Variants in PGS1 observed in about 807,000 individuals in gnomAD.
PGS1 encodes phosphatidylglycerophosphate synthase 1.
Under a neutral mutation model 58.3 loss-of-function variants are expected in PGS1, and 44 were observed. That is an observed-to-expected ratio of 0.75 (90% CI 0.59 to 0.97). PGS1 has a LOEUF of 0.97. Ranked by LOEUF, PGS1 falls within the 50% of genes least tolerant of loss-of-function variation. PGS1 has a pLI of 0.00. For synonymous variants in PGS1, 330 were observed against 311.0 expected (o/e 1.06, Z -0.64); for missense variants, 684 against 731.1 (o/e 0.94, Z 0.74).
chr17:78,381,550 T>G (rs947559684), intron 1 of PGS1, among the ~76,000 whole-genome samples: 2 of 152,248 alleles, frequency 1.3e-5, no homozygotes, highest in Non-Finnish European at 2.9e-5. Context: ...GACTTTGCTT[T>G]CTTCTCCATT....
chr17:78,397,759 C>A (rs2083350072), intron 3 of PGS1, among the ~76,000 whole-genome samples: 1 of 152,282 alleles, frequency 6.6e-6, no homozygotes, highest in South Asian at 2.1e-4. Flanking sequence ...TTAGGATATA[C>A]CCTCCACTCC....
At chr17:78,410,459 G>T (rs2084553281) in intron 7 of PGS1, among the ~76,000 whole-genome samples, 1 of 117,490 alleles carries the variant, frequency 8.5e-6, no homozygotes. Flanking sequence ...CAAAACTTCA[G>T]AGCTTTTTTT....
chr17:78,408,796 C>T (rs1598350818), intron 7 of PGS1, among the ~76,000 whole-genome samples: 1 of 152,312 alleles, frequency 6.6e-6, no homozygotes, highest in Non-Finnish European at 1.5e-5. Context: ...TTGTCAGTTT[C>T]CTGTTGCCTG....
chr17:78,402,429 C>T (rs8076277), intron 6 of PGS1, among the ~76,000 whole-genome samples: 637 of 5,490 alleles, frequency 0.12, 2 homozygotes, highest in African/African-American at 0.32. Context: ...TATATATATA[C>T]ACACACACAC....
chr17:78,396,705 G>A (rs888716674), intron 3 of PGS1, among the ~76,000 whole-genome samples: 20 of 152,358 alleles, frequency 1.3e-4, no homozygotes, highest in African/African-American at 4.6e-4. Context: ...CCTGCCACCT[G>A]TTATGGTGTA....
chr17:78,407,936 G>T (rs2084295851), intron 7 of PGS1, among the ~76,000 whole-genome samples: 1 of 152,234 alleles, frequency 6.6e-6, no homozygotes, highest in Non-Finnish European at 1.5e-5. Flanking sequence ...CAGAGGGCTG[G>T]CCTTTATTCT....
At chr17:78,386,628 C>G (rs2082402476) in intron 1 of PGS1, among the ~76,000 whole-genome samples, 1 of 152,196 alleles carries the variant, frequency 6.6e-6, no homozygotes, top group Non-Finnish European at 1.5e-5. Flanking sequence ...GCCTCTGCCT[C>G]CTCACGTCTC....
chr17:78,404,567 C>T (rs1010669131), intron 7 of PGS1, among the ~76,000 whole-genome samples: 6 of 151,976 alleles, frequency 3.9e-5, no homozygotes, highest in African/African-American at 7.3e-5. Context: ...GTGTAAAATC[C>T]GTCTCTTTTA....
In PGS1 at chr17:78,399,420, T is replaced by G; in HGVS notation, c.584T>G (p.Phe195Cys). ...RFPEQVRVSLFHTPHLRGLLR... is the reference protein window; with the variant it reads ...RFPEQVRVSLCHTPHLRGLLR... ...CCAGAGCAGGTCCGAGTCTCCCTCT[T>G]TCACACGCCGCACCTCCGTGGGCTG... Residue 195 changes from phenylalanine (F) to cysteine (C), a missense_variant, in exon 5 of 10, where the codon TTT becomes TGT. Transcript: ENST00000262764. 1.2e-6 allele frequency: 2 copies of G among 1,614,102 alleles called. No homozygotes were observed. Among genetic ancestry groups the G allele is most frequent in the Non-Finnish European group, 1.7e-6 (2 of 1,180,010 alleles).
intron 1 of PGS1, among the ~76,000 whole-genome samples, chr17:78,388,620 C>T (rs554016729): frequency 1.8e-4 from 28 of 152,122 alleles, no homozygotes; most frequent in African/African-American, 6.7e-4. Flanking sequence ...GCTGGGATTA[C>T]AAGTGTGAGC....
intron 8 of PGS1, 88 bp from the exon 9 acceptor site, chr17:78,419,458 G>GC: frequency 8.5e-7 from 1 of 1,181,808 alleles, no homozygotes; most frequent in Non-Finnish European, 1.3e-6. Context: ...TTCTGGGCTG[G>GC]CCTGAGGGGC....
intron 9 of PGS1, 65 bp downstream of exon 9, chr17:78,419,740 T>G (rs978926887): frequency 2.5e-5 from 40 of 1,598,254 alleles, no homozygotes; most frequent in African/African-American, 1.7e-4. Flanking sequence ...GGCAGGTGGT[T>G]GTTCTGACTC....
In PGS1 at chr17:78,424,347, C is replaced by G; in HGVS notation, c.*297C>G. On this transcript the variant is annotated 3_prime_UTR_variant, in exon 10 of 10. Transcript: ENST00000262764. Reference sequence around the variant, plus strand: ...GCCTGCATGTTGTAACTACCCCGTCCCGCTGGGCTCAAGGAACAGCTCAGC... The same window carrying G: ...GCCTGCATGTTGTAACTACCCCGTCGCGCTGGGCTCAAGGAACAGCTCAGC... 1.6e-6 allele frequency: 1 copy of G among 624,012 alleles called. No individual in the cohort carries two copies. The highest frequency in any genetic ancestry group is 1.8e-5 in the African/African-American group (1 of 54,764). 38.7% of individuals were successfully genotyped at this position (624,012 alleles called of 1,614,324 possible).
intron 3 of PGS1, 46 bp downstream of exon 3, chr17:78,396,431 C>T: frequency 7.5e-7 from 1 of 1,336,732 alleles, no homozygotes; most frequent in Non-Finnish European, 1.0e-6. Flanking sequence ...GTGAATGGGC[C>T]CCAACATGCC....
chr17:78,380,722 A>G (rs977673807), intron 1 of PGS1: 1 of 152,274 alleles, frequency 6.6e-6, no homozygotes, highest in African/African-American at 2.4e-5. Flanking sequence ...TGTTTAAACT[A>G]TATGAAAAAC....
chr17:78,392,410 G>T (rs1027456091), intron 1 of PGS1, 66 bp from the exon 2 acceptor site: 4 of 1,195,706 alleles, frequency 3.3e-6, no homozygotes, highest in Non-Finnish European at 3.5e-6. Context: ...CAGTAACTGA[G>T]GGGGGCTTCT....
intron 3 of PGS1, chr17:78,397,945 C>T (rs1032448489): frequency 8.5e-6 from 4 of 467,922 alleles, no homozygotes; most frequent in Admixed American, 5.4e-5. Flanking sequence ...TTGAAATGTA[C>T]GTGAGACCTG....
chr17:78,423,118 AAT>A lies in PGS1; in HGVS notation c.*11-942_*11-941del, dbSNP rs1491134808. Among the ~76,000 whole-genome samples the A allele has an allele frequency of 2.9e-4, 42 of 146,410 alleles. 1 individual carries two copies. The South Asian group carries it at 6.4e-3, about 22-fold the overall frequency. On this transcript the variant is annotated intron_variant, in intron 9 of 9. Transcript: ENST00000262764. ...TCACTCTCCCTCGAAAAAAAAAAAA[AAT>A]GTTGATCCTGTCTTGGTCCCCCTGG... is the stretch of plus-strand genomic sequence containing the variant.
chr17:78,389,294 T>A (rs1378059844), intron 1 of PGS1, among the ~76,000 whole-genome samples: 1 of 151,356 alleles, frequency 6.6e-6, no homozygotes, highest in African/African-American at 2.4e-5. Flanking sequence ...CGAGTGATTC[T>A]TCTGCCTCAG....
Sources: allele counts gnomAD v4.1 joint callset (sites outside exome capture counted in the v4.1 genomes callset), GRCh38; gene constraint gnomAD v4.1.1; transcripts MANE v1.5; gene names NCBI Gene and HGNC (gene_info 2026-07-23, HGNC 2026-07-21).